The following TNR variants were observed in gnomAD, a reference collection of about 807,000 sequenced individuals.
TNR encodes the protein tenascin-R.
TNR carries 45 observed loss-of-function variants against 150.4 expected under a neutral mutation model. The observed-to-expected ratio is 0.30, with a 90% CI of 0.24 to 0.38. The LOEUF (loss-of-function observed/expected upper bound fraction) is 0.38, where lower values mean the gene tolerates loss of function less well. Ranked by LOEUF, TNR falls within the 10% of genes least tolerant of loss-of-function variation. The pLI is 1.00. For missense variants in TNR, 1,544 were observed against 1,759.1 expected, an observed-to-expected ratio of 0.88 and a Z score of 2.19; for synonymous variants, 687 against 678.4, an observed-to-expected ratio of 1.01 and a Z score of -0.20.
intron 2 of TNR, among the ~76,000 whole-genome samples, chr1:175,411,719 C>T (rs962432686): frequency 6.6e-6 from 1 of 151,848 alleles, no homozygotes; most frequent in African/African-American, 2.4e-5. Flanking sequence ...TTAGAGGAAC[C>T]ACTCTACTCC....
chr1:175,573,452 G>A (rs1661968562), intron 1 of TNR, among the ~76,000 whole-genome samples: 1 of 152,178 alleles, frequency 6.6e-6, no homozygotes, highest in Non-Finnish European at 1.5e-5. Context: ...GGCCTGGCTT[G>A]CTAAGCAAAG....
rs544943412 is a variant in TNR, at chr1:175,465,423, G to A, written c.-63-58646C>T. ...ATGAGACTTGATGACAAATGCTTAA[G>A]TAGATTTTCAAGCATATTGATCATA... On this transcript the variant is annotated intron_variant, in intron 2 of 22. Coordinates refer to ENST00000367674, the MANE Select transcript of TNR (RefSeq NM_003285.3). 1.3e-4 allele frequency among the ~76,000 whole-genome samples: 20 copies of A among 152,362 alleles called. No homozygotes were observed. The East Asian group carries it at 3.5e-3, about 26-fold the overall frequency.
At chr1:175,627,979 G>A (rs963297920) in intron 1 of TNR, among the ~76,000 whole-genome samples, 1 of 152,158 alleles carries the variant, frequency 6.6e-6, no homozygotes, top group Non-Finnish European at 1.5e-5. Context: ...CAGGACCACT[G>A]GGAGAAACAC....
intron 1 of TNR, among the ~76,000 whole-genome samples, chr1:175,707,455 C>T (rs997654749): frequency 6.6e-6 from 1 of 152,018 alleles, no homozygotes; most frequent in East Asian, 1.9e-4. Context: ...ATCAAAAATC[C>T]ATAGTAAATT....
At chr1:175,329,446 G>C (rs1476063754) in intron 21 of TNR, among the ~76,000 whole-genome samples, 1 of 152,184 alleles carries the variant, frequency 6.6e-6, no homozygotes, top group Non-Finnish European at 1.5e-5. Flanking sequence ...AATCTACACA[G>C]AAAACCTGAC....
intron 1 of TNR, among the ~76,000 whole-genome samples, chr1:175,620,133 G>T (rs1289955416): frequency 1.3e-5 from 2 of 152,222 alleles, no homozygotes; most frequent in Non-Finnish European, 2.9e-5. Context: ...GGAAGTCCAA[G>T]AAGTGATTTC....
chr1:175,359,812 C>G, intron 14 of TNR, 81 bp from the exon 15 acceptor site: 1 of 1,517,390 alleles, frequency 6.6e-7, no homozygotes, highest in South Asian at 1.3e-5. Context: ...AAGTTCCACT[C>G]ATGGTGCAAG....
intron 1 of TNR, among the ~76,000 whole-genome samples, chr1:175,641,711 T>G (rs529809490): frequency 2.6e-4 from 39 of 152,296 alleles, no homozygotes; most frequent in Admixed American, 1.6e-3. Flanking sequence ...CCTTTGTTCA[T>G]AAAGTCAAGT....
chr1:175,731,641 C>T (rs945539765), intron 1 of TNR, among the ~76,000 whole-genome samples: 5 of 152,130 alleles, frequency 3.3e-5, no homozygotes, highest in Non-Finnish European at 7.4e-5. Flanking sequence ...TAAGGAGGCA[C>T]GGCGGGCAGA....
chr1:175,383,750 G>T (rs965086327), intron 8 of TNR, among the ~76,000 whole-genome samples: 1 of 152,200 alleles, frequency 6.6e-6, no homozygotes, highest in Non-Finnish European at 1.5e-5. Context: ...TCATCATGAG[G>T]GTCTGGGTAC....
chr1:175,632,468 A>G (rs1285495948), intron 1 of TNR, among the ~76,000 whole-genome samples: 2 of 152,222 alleles, frequency 1.3e-5, no homozygotes, highest in Admixed American at 1.3e-4. Context: ...CACTTAGAAA[A>G]TAGAGTCTAT....
At chr1:175,342,680 G>T (rs1650579763) in intron 18 of TNR, among the ~76,000 whole-genome samples, 1 of 152,208 alleles carries the variant, frequency 6.6e-6, no homozygotes, top group African/African-American at 2.4e-5. Flanking sequence ...GGAGGTAATA[G>T]AGTGAGTGGA....
intron 1 of TNR, among the ~76,000 whole-genome samples, chr1:175,602,237 G>A (rs1571664254): frequency 1.5e-5 from 2 of 136,252 alleles, no homozygotes; most frequent in Non-Finnish European, 3.1e-5. Context: ...AAAAAATAGC[G>A]TTCCTGTAAT....
intron 1 of TNR, among the ~76,000 whole-genome samples, chr1:175,642,122 G>T (rs941177506): frequency 1.3e-5 from 2 of 152,082 alleles, no homozygotes; most frequent in Non-Finnish European, 2.9e-5. Context: ...CAGCCCAAAT[G>T]GATAAGAAAT....
At chr1:175,641,790 T>C (rs1260038077) in intron 1 of TNR, among the ~76,000 whole-genome samples, 1 of 152,032 alleles carries the variant, frequency 6.6e-6, no homozygotes, top group Non-Finnish European at 1.5e-5. Context: ...AAGCGGGAGA[T>C]GTGTTAGTCA....
At chr1:175,466,869 T>G (rs1397398037) in intron 2 of TNR, among the ~76,000 whole-genome samples, 1 of 152,002 alleles carries the variant, frequency 6.6e-6, no homozygotes. Flanking sequence ...GGGTTCCCCA[T>G]TAGTATCCAA....
intron 7 of TNR, among the ~76,000 whole-genome samples, chr1:175,390,953 A>T (rs1653140029): frequency 6.6e-6 from 1 of 152,284 alleles, no homozygotes; most frequent in Admixed American, 6.5e-5. Context: ...GGTAAGAATG[A>T]GTCAGCTCTT....
chr1:175,585,113 C>T (rs934122449), intron 1 of TNR, among the ~76,000 whole-genome samples: 1 of 152,154 alleles, frequency 6.6e-6, no homozygotes, highest in South Asian at 2.1e-4. Flanking sequence ...ACCCATTTAA[C>T]CTTCTTAACA....
At chr1:175,533,119 C>T (rs1660138780) in intron 1 of TNR, among the ~76,000 whole-genome samples, 1 of 152,204 alleles carries the variant, frequency 6.6e-6, no homozygotes, top group South Asian at 2.1e-4. Flanking sequence ...ATTTCTCTTT[C>T]TTGTACCTAC....
Sources: allele counts gnomAD v4.1 joint callset (sites outside exome capture counted in the v4.1 genomes callset), GRCh38; gene constraint gnomAD v4.1.1; transcripts MANE v1.5; gene names NCBI Gene and HGNC (gene_info 2026-07-23, HGNC 2026-07-21).